Variants in FUOM observed in about 807,000 individuals in gnomAD.
The protein encoded by FUOM is fucose mutarotase.
FUOM carries 19 observed loss-of-function variants against 18.3 expected under a neutral mutation model. The ratio of observed to expected loss-of-function variants is 1.04; its 90% confidence interval spans 0.73 to 1.53. FUOM has a LOEUF of 1.53. FUOM is among the 40% of genes most tolerant of loss of function. FUOM has a pLI of 0.00. For missense variants in FUOM, 210 were observed against 200.9 expected (o/e 1.04, Z -0.27); for synonymous variants, 102 against 87.9 (o/e 1.16, Z -0.90).
chr10:133,355,585 T>C (rs1006495571), intron 5 of FUOM, 149 bp from the exon 6 acceptor site: 264 of 1,595,256 alleles, frequency 1.7e-4, no homozygotes, highest in Admixed American at 3.0e-4. Flanking sequence ...CCGAAATTCC[T>C]CCCTGGTCTC....
chr10:133,354,384 C>T (rs1008165857), downstream of FUOM, among the ~76,000 whole-genome samples: 2 of 152,176 alleles, frequency 1.3e-5, no homozygotes, highest in Admixed American at 6.5e-5. Flanking sequence ...GGTGGGCTTG[C>T]CTGCACCCCC....
chr10:133,357,909 CCCG>C lies in FUOM; in HGVS notation c.85+11_85+13del, dbSNP rs1848864192. On this transcript the variant is annotated intron_variant, in intron 1 of 5. Coordinates refer to ENST00000278025, the MANE Select transcript of FUOM (RefSeq NM_001098483.3). ...CCCGGGGTGCTCCCCGAGGCCCCGG[CCCG>C]CTGCGCTCACCGATCTCGTCCCCGT... The C allele has an allele frequency of 1.3e-6, 2 of 1,519,792 alleles. No homozygotes were observed. The highest frequency in any genetic ancestry group is 1.8e-6 in the Non-Finnish European group (2 of 1,137,930). 94.1% of individuals were successfully genotyped at this position (1,519,792 alleles called of 1,614,324 possible).
Position 133,355,261 on chromosome 10 carries a change from G to A in FUOM, c.*109C>T. 7.6e-7 allele frequency: 1 copy of A among 1,307,198 alleles called. No individual in the cohort carries two copies. The highest frequency in any genetic ancestry group is 2.5e-5 in the East Asian group (1 of 39,576). 81.0% of individuals were successfully genotyped at this position (1,307,198 alleles called of 1,614,324 possible). A position where few individuals can be genotyped will look rare whatever the true frequency, so the allele number is the denominator to read the frequency against. ...AAGACTGCCGGCCCCTAGAGCCCTGGCCAGGGCCCAGGTCTGGGAGCTGCC... is the reference window on the plus strand; with the variant it reads ...AAGACTGCCGGCCCCTAGAGCCCTGACCAGGGCCCAGGTCTGGGAGCTGCC... On this transcript the variant is annotated 3_prime_UTR_variant, in exon 6 of 6. Coordinates refer to ENST00000278025, the MANE Select transcript of FUOM (RefSeq NM_001098483.3).
chr10:133,355,608 G>A (rs1848767571), intron 5 of FUOM, 130 bp downstream of exon 5: 10 of 1,577,660 alleles, frequency 6.3e-6, no homozygotes, highest in Non-Finnish European at 7.8e-6. Context: ...CACTCTGTGG[G>A]ACGTCTAGCC....
intron 3 of FUOM, 28 bp downstream of exon 3, chr10:133,356,915 C>T (rs1191631265): frequency 6.5e-7 from 1 of 1,546,706 alleles, no homozygotes; most frequent in East Asian, 2.4e-5. Flanking sequence ...CACGGAGCAG[C>T]AGGGTGCAGG....
chr10:133,357,662 G>A (rs1398318887), intron 1 of FUOM: 2 of 508,844 alleles, frequency 3.9e-6, no homozygotes, highest in South Asian at 2.7e-5. Flanking sequence ...CGAACCCTCG[G>A]GGGCAGCCCA....
chr10:133,357,099 G>C (rs1848829636), intron 2 of FUOM, 86 bp from the exon 3 acceptor site: 1 of 1,538,974 alleles, frequency 6.5e-7, no homozygotes, highest in East Asian at 2.5e-5. Flanking sequence ...GCATGGACTT[G>C]GGGCCACGGC....
downstream of FUOM, among the ~76,000 whole-genome samples, chr10:133,354,190 G>A (rs571134110): frequency 2.0e-5 from 3 of 152,256 alleles, no homozygotes; most frequent in African/African-American, 4.8e-5. Context: ...CGCGGCCATC[G>A]GGTCTAGAGA....
intron 5 of FUOM, 84 bp downstream of exon 5, chr10:133,355,654 G>C: frequency 6.5e-7 from 1 of 1,545,194 alleles, no homozygotes; most frequent in East Asian, 2.2e-5. Flanking sequence ...GGTAGGGGCA[G>C]CTCCTGAGGC....
At chr10:133,356,267 C>T (rs551330100) in intron 4 of FUOM, among the ~76,000 whole-genome samples, 3 of 152,340 alleles carry the variant, frequency 2.0e-5, no homozygotes, top group African/African-American at 7.2e-5. Context: ...CAACCATAGC[C>T]AGGATGGGGC....
At position 133,357,936 on chromosome 10, in the gene FUOM, G is replaced by T; in HGVS notation, c.72C>A (p.His24Gln). 6.6e-7 allele frequency: 1 copy of T among 1,525,318 alleles called. No individual in the cohort carries two copies. The allele number at this position is 1,525,318 out of a possible 1,614,324, so 94.5% of individuals were successfully genotyped here. Residue 24 changes from histidine to glutamine, a missense_variant, in exon 1 of 6, where the codon CAC (histidine) becomes CAA (glutamine). Physicochemically the swap from His to Gln is conservative, Grantham distance 24 (BLOSUM62 0). Transcript: ENST00000278025. ...CGCTGCGCTCACCGATCTCGTCCCCGTGCCCCATCCGCGCCAGCGCGTAGA... is the reference window on the plus strand; with the variant it reads ...CGCTGCGCTCACCGATCTCGTCCCCTTGCCCCATCCGCGCCAGCGCGTAGA... ...ELLYALARMG[H>Q]GDEIVLADLN...
rs74164155 is a variant in FUOM, at chr10:133,355,941, G to A, written c.325-130C>T. ...GGTTCCATTTCTTGGGCTCTCCCCC[G>A]GCAAGGGCCCCACGGTCACTCAGCC... On this transcript the variant is annotated intron_variant, in intron 4 of 5. Coordinates refer to ENST00000278025, the MANE Select transcript of FUOM (RefSeq NM_001098483.3). 4,953 of 790,758 alleles carry A rather than the reference G, an allele frequency of 6.3e-3. 48 individuals carry two copies. Among genetic ancestry groups the A allele is most frequent in the Middle Eastern group, 0.03 (93 of 3,132 alleles). The allele number at this position is 790,758 out of a possible 1,614,324, so 49.0% of individuals were successfully genotyped here.
chr10:133,355,123 G>A (rs1180927961), downstream of FUOM: 5 of 567,174 alleles, frequency 8.8e-6, no homozygotes, highest in Non-Finnish European at 1.6e-5. Flanking sequence ...CTTGAGCTCA[G>A]CACCAAACAA....
chr10:133,353,404 G>C (rs1350066494), downstream of FUOM, among the ~76,000 whole-genome samples: 3 of 152,184 alleles, frequency 2.0e-5, no homozygotes, highest in Non-Finnish European at 1.5e-5. Flanking sequence ...GTTCCTGCGT[G>C]GCAGTCTCAT....
chr10:133,355,128 A>G, downstream of FUOM: 1 of 576,836 alleles, frequency 1.7e-6, no homozygotes, highest in Non-Finnish European at 3.1e-6. Flanking sequence ...GCTCAGCACC[A>G]AACAAGCCTG....
At chr10:133,357,666 C>T (rs1047702486) in intron 1 of FUOM, 33 of 507,916 alleles carry the variant, frequency 6.5e-5, no homozygotes, top group African/African-American at 6.2e-4. Flanking sequence ...CCCTCGGGGG[C>T]AGCCCAGACG....
chr10:133,355,144 G>C, downstream of FUOM: 1 of 596,428 alleles, frequency 1.7e-6, no homozygotes, highest in Non-Finnish European at 3.0e-6. Context: ...GCCTGCGTGA[G>C]AACAGAGCTG....
rs1391955662 is a variant in FUOM, at chr10:133,355,818, G to A, written c.325-7C>T. 9 of 1,612,106 alleles carry A rather than the reference G, an allele frequency of 5.6e-6. No individual in the cohort carries two copies. The highest frequency in any genetic ancestry group is 2.2e-5 in the East Asian group (1 of 44,888). ...CTATCTTTGCCAGGGCTCTCTGGAA[G>A]ACAAAATGGCAGGGTTGGAGGGAAC... On this transcript the variant is annotated splice_region_variant and splice_polypyrimidine_tract_variant and intron_variant, in intron 4 of 5. Transcript: ENST00000278025.
At chr10:133,356,582 G>C (rs1264538061) in intron 4 of FUOM, 58 bp downstream of exon 4, 19 of 1,320,156 alleles carry the variant, frequency 1.4e-5, no homozygotes, top group Non-Finnish European at 1.8e-5. Flanking sequence ...CTCCTCCTGA[G>C]CCTCCAGGAG....
Sources: gnomAD v4.1 joint callset for allele counts (sites outside exome capture counted in the v4.1 genomes callset) on GRCh38, gnomAD v4.1.1 for gene constraint, MANE v1.5 for transcripts, NCBI Gene and HGNC (gene_info 2026-07-23, HGNC 2026-07-21) for gene names.